The following DOCK3 variants were observed in gnomAD, a reference collection of about 807,000 sequenced individuals.
DOCK3 encodes dedicator of cytokinesis protein 3.
Under a neutral mutation model 265.6 loss-of-function variants are expected in DOCK3, and 60 were observed. That is an observed-to-expected ratio of 0.23 (90% CI 0.18 to 0.28). The LOEUF (loss-of-function observed/expected upper bound fraction) is 0.28. DOCK3 is among the 10% of genes least tolerant of loss of function. The probability of loss-of-function intolerance (pLI) is 1.00; values close to 1 mark genes in which losing one functional copy is unlikely to be tolerated. For synonymous variants in DOCK3, 881 were observed against 938.0 expected (o/e 0.94, Z 1.11); for missense variants, 1,981 against 2,594.3 (o/e 0.76, Z 5.14).
intron 1 of DOCK3, among the ~76,000 whole-genome samples, chr3:50,754,893 A>T (rs1421745296): frequency 6.6e-6 from 1 of 152,156 alleles, no homozygotes; most frequent in African/African-American, 2.4e-5. Context: ...AAATGTGTAA[A>T]GCAGCTTGGT....
intron 24 of DOCK3, among the ~76,000 whole-genome samples, chr3:51,272,911 T>C (rs1375945193): frequency 2.0e-5 from 3 of 151,884 alleles, no homozygotes; most frequent in Admixed American, 2.0e-4. Context: ...ACGCCTGTAA[T>C]CCCAGCACTT....
intron 1 of DOCK3, among the ~76,000 whole-genome samples, chr3:50,758,548 A>G (rs1184694023): frequency 1.3e-5 from 2 of 152,112 alleles, no homozygotes; most frequent in Non-Finnish European, 2.9e-5. Flanking sequence ...ATCTCGTCTG[A>G]AAGTGTACAG....
chr3:50,839,005 C>G (rs950771274), intron 2 of DOCK3, among the ~76,000 whole-genome samples: 1 of 152,176 alleles, frequency 6.6e-6, no homozygotes, highest in African/African-American at 2.4e-5. Flanking sequence ...GGTTTTGAAA[C>G]TACTTAGATC....
rs1398060697 is a variant in DOCK3 at position 51,341,305 on chromosome 3, C to T, written c.3835C>T (p.Leu1279Phe). The change falls in exon 38 of 53, where the codon CTC becomes TTC. Residue 1279 changes from leucine (L) to phenylalanine (F), a missense_variant. Transcript: ENST00000266037. ...GGAGGACCGGCCACTACGGGAATTC[C>T]TCCACTACCCATCGCAGACAGAGTG... ...QWEDRPLREF[L>F]HYPSQTEWQR... is the part of the protein sequence containing the mutation. 1.9e-6 allele frequency: 3 copies of T among 1,613,064 alleles called. No individual in the cohort carries two copies. The highest frequency in any genetic ancestry group is 1.7e-5 in the Admixed American group (1 of 59,922).
intron 2 of DOCK3, among the ~76,000 whole-genome samples, chr3:50,825,973 C>A (rs189598386): frequency 1.3e-5 from 2 of 148,194 alleles, no homozygotes; most frequent in African/African-American, 5.0e-5. Flanking sequence ...TTTTTTTAAT[C>A]ACAGTGGCAG....
At chr3:51,059,576 A>G (rs1439940275) in intron 5 of DOCK3, among the ~76,000 whole-genome samples, 1 of 152,044 alleles carries the variant, frequency 6.6e-6, no homozygotes, top group Non-Finnish European at 1.5e-5. Flanking sequence ...GGTCAATTCA[A>G]GTTACCACTC....
intron 3 of DOCK3, among the ~76,000 whole-genome samples, chr3:50,860,374 T>C (rs2046850671): frequency 6.6e-6 from 1 of 152,206 alleles, no homozygotes; most frequent in South Asian, 2.1e-4. Flanking sequence ...TTGATAGTTC[T>C]GGCTCTATAG....
chr3:51,234,915 A>G (rs901585956), intron 19 of DOCK3, among the ~76,000 whole-genome samples: 2 of 152,216 alleles, frequency 1.3e-5, no homozygotes, highest in African/African-American at 4.8e-5. Context: ...ACTGAATTCT[A>G]CTGAAGAAAA....
At chr3:51,376,118 A>C (rs990779006) in intron 51 of DOCK3, among the ~76,000 whole-genome samples, 1 of 152,174 alleles carries the variant, frequency 6.6e-6, no homozygotes. Flanking sequence ...TTCTGTGTGC[A>C]AACTGTAGAA....
At chr3:51,145,992 G>C (rs1474788022) in intron 9 of DOCK3, among the ~76,000 whole-genome samples, 1 of 152,190 alleles carries the variant, frequency 6.6e-6, no homozygotes, top group African/African-American at 2.4e-5. Context: ...GATCTGACAG[G>C]AGGCAGAGCT....
intron 1 of DOCK3, among the ~76,000 whole-genome samples, chr3:50,713,243 T>G (rs2036882917): frequency 6.6e-6 from 1 of 152,216 alleles, no homozygotes; most frequent in South Asian, 2.1e-4. Flanking sequence ...TATCTTTTAG[T>G]AGGACTTTAT....
chr3:51,298,711 C>T (rs558431610), intron 27 of DOCK3, among the ~76,000 whole-genome samples: 1 of 152,242 alleles, frequency 6.6e-6, no homozygotes, highest in African/African-American at 2.4e-5. Flanking sequence ...TGGCTTCCAG[C>T]TCCATCCATG....
At position 51,054,121 on chromosome 3, in the gene DOCK3, T is replaced by TAAA. The variant is rs35733959; in HGVS notation, c.316-10304_316-10302dup. ...GTGAAGCACTTTCCCCGTAGCTTCC[T>TAAA]AAAAAAAAAAAAAAAAAAAAAAAAA... On this transcript the variant is annotated intron_variant, in intron 5 of 52. Transcript: ENST00000266037. Among the ~76,000 whole-genome samples, 222 of 84,972 alleles carry TAAA rather than the reference T, an allele frequency of 2.6e-3. 1 individual carries two copies. Among genetic ancestry groups the TAAA allele is most frequent in the African/African-American group, 9.0e-3 (206 of 22,914 alleles). 55.7% of individuals were successfully genotyped at this position (84,972 alleles called of 152,430 possible). A position where few individuals can be genotyped will look rare whatever the true frequency, so the allele number is the denominator to read the frequency against.
intron 49 of DOCK3, among the ~76,000 whole-genome samples, chr3:51,363,662 G>A (rs2086905645): frequency 6.6e-6 from 1 of 152,178 alleles, no homozygotes; most frequent in Non-Finnish European, 1.5e-5. Context: ...ACAGGCCCCA[G>A]TGTGTGATGT....
Position 51,375,777 on chromosome 3 carries a change from G to A in DOCK3, c.5442G>A (p.Gln1814=). Residue 1814 remains glutamine, a synonymous_variant, in exon 51 of 53, where the codon CAG becomes CAA. Coordinates refer to ENST00000266037, the MANE Select transcript of DOCK3 (RefSeq NM_004947.5). ...CGAATTTCCAGCGAGCCCTGTTCCA[G>A]CAAGTGGTCGGAGCCTGCAAACCCT... is the stretch of plus-strand genomic sequence containing the variant. The part of the protein sequence containing the change: ...QPPNFQRALF[Q]QVVGACKPCS... 6.2e-7 allele frequency: 1 copy of A among 1,613,986 alleles called. No homozygotes were observed. The highest frequency in any genetic ancestry group is 8.5e-7 in the Non-Finnish European group (1 of 1,179,886).
At chr3:50,973,382 T>A (rs2077318724) in intron 5 of DOCK3, among the ~76,000 whole-genome samples, 1 of 144,090 alleles carries the variant, frequency 6.9e-6, no homozygotes, top group African/African-American at 2.6e-5. Context: ...AGTGAGAATA[T>A]GCGGTGTTTG....
chr3:51,243,303 G>A (rs919165502), intron 21 of DOCK3, among the ~76,000 whole-genome samples: 1 of 152,192 alleles, frequency 6.6e-6, no homozygotes, highest in African/African-American at 2.4e-5. Flanking sequence ...GCCAACTCAA[G>A]TATCTGTGGT....
At position 50,968,926 on chromosome 3, in the gene DOCK3, T is replaced by G. The variant is rs568916880; in HGVS notation, c.315+34849T>G. On this transcript the variant is annotated intron_variant, in intron 5 of 52. Coordinates refer to ENST00000266037, the MANE Select transcript of DOCK3 (RefSeq NM_004947.5). ...ATAGCCCATCTTGGAAAATGTTCCA[T>G]ATGCTGATGAGAAGAATGCACATTT... 2.6e-5 allele frequency among the ~76,000 whole-genome samples: 4 copies of G among 152,298 alleles called. No homozygotes were observed. In the East Asian group the frequency reaches 7.7e-4, roughly 29 times the overall value.
chr3:50,892,948 C>T (rs902288153), intron 4 of DOCK3, among the ~76,000 whole-genome samples: 3 of 151,968 alleles, frequency 2.0e-5, no homozygotes, highest in African/African-American at 7.3e-5. Flanking sequence ...AGAGTACTGC[C>T]ACAGGGAAAA....
Sources: gnomAD v4.1 joint callset for allele counts (sites outside exome capture counted in the v4.1 genomes callset) on GRCh38, gnomAD v4.1.1 for gene constraint, MANE v1.5 for transcripts, NCBI Gene and HGNC (gene_info 2026-07-23, HGNC 2026-07-21) for gene names.